Variants in PIH1D2 observed in about 807,000 individuals in gnomAD.
PIH1D2 encodes the protein PIH1 domain containing 2, also known as PIH1 domain-containing protein 2.
In PIH1D2, 25 loss-of-function variants were observed where a neutral mutation model predicts 31.2. That is an observed-to-expected ratio of 0.80 (90% CI 0.58 to 1.12). PIH1D2 has a LOEUF of 1.12. Ranked by LOEUF, PIH1D2 falls within the 50% of genes most tolerant of loss-of-function variation. The pLI is 0.00. For synonymous variants in PIH1D2, 116 were observed against 119.9 expected (o/e 0.97, Z 0.21); for missense variants, 310 against 356.6 (o/e 0.87, Z 1.05).
downstream of PIH1D2, chr11:112,064,380 T>C: frequency 1.7e-6 from 1 of 598,746 alleles, no homozygotes; most frequent in Non-Finnish European, 2.7e-6. Context: ...AATTAAAGTA[T>C]AAATCTTCAA....
At chr11:112,071,520 T>G (rs1865109402) in intron 3 of PIH1D2, 115 bp downstream of exon 3, 1 of 1,364,244 alleles carries the variant, frequency 7.3e-7, no homozygotes, top group Non-Finnish European at 1.0e-6. Flanking sequence ...GATACACTAA[T>G]TGTAATTATA....
rs141297679 is a variant in PIH1D2, at chr11:112,072,505, C to T, written c.177+493G>A. ...CTGTGATTGTGAGCTGTGATTGTGC[C>T]ACTGCACTCCAGCTTGAGCGACAGA... On this transcript the variant is annotated intron_variant, in intron 2 of 5. Coordinates refer to ENST00000280350, the MANE Select transcript of PIH1D2 (RefSeq NM_138789.4). Among the ~76,000 whole-genome samples the T allele has an allele frequency of 8.2e-5, 10 of 122,300 alleles. No individual in the cohort carries two copies. In the East Asian group the frequency reaches 2.7e-3, roughly 33 times the overall value. 80.2% of individuals were successfully genotyped at this position (122,300 alleles called of 152,430 possible).
chr11:112,054,883 A>G, the PIH1D2 span, among the ~76,000 whole-genome samples: 1 of 152,144 alleles, frequency 6.6e-6, no homozygotes, highest in South Asian at 2.1e-4. Flanking sequence ...GCATAACTCC[A>G]GTCTCTTCTT....
At chr11:112,063,701 G>A (rs1389619247), downstream of PIH1D2, 1 of 152,290 alleles carries the variant, frequency 6.6e-6, no homozygotes, top group Non-Finnish European at 1.5e-5. Flanking sequence ...AATTAACTAG[G>A]TTGCTACTTT....
chr11:112,060,113 C>A, downstream of PIH1D2: 7 of 1,466,522 alleles, frequency 4.8e-6, no homozygotes, highest in Non-Finnish European at 6.6e-6. Context: ...TTAAGGTTTG[C>A]ATAATGCATT....
intron 5 of PIH1D2, 72 bp downstream of exon 5, chr11:112,070,364 T>C (rs971779359): frequency 5.7e-5 from 86 of 1,520,690 alleles, no homozygotes; most frequent in Non-Finnish European, 7.6e-5. Context: ...TTATGTAGTT[T>C]GTTACTGTGG....
chr11:112,055,042 G>T, the PIH1D2 span, among the ~76,000 whole-genome samples: 1 of 151,946 alleles, frequency 6.6e-6, no homozygotes, highest in Non-Finnish European at 1.5e-5. Context: ...TCCAAATAAG[G>T]TCACATTGAT....
chr11:112,073,638 T>C (rs1555185141), intron 1 of PIH1D2, among the ~76,000 whole-genome samples: 1 of 152,148 alleles, frequency 6.6e-6, no homozygotes, highest in Non-Finnish European at 1.5e-5. Context: ...CCGGTCTTAG[T>C]TCTATCTCTC....
downstream of PIH1D2, chr11:112,064,202 G>A (rs782704904): frequency 3.8e-6 from 6 of 1,570,060 alleles, no homozygotes; most frequent in East Asian, 1.1e-4. Context: ...TTTCGCTAAT[G>A]CTTGTGGTTC....
chr11:112,053,199 G>A, the PIH1D2 span, among the ~76,000 whole-genome samples: 4 of 152,184 alleles, frequency 2.6e-5, no homozygotes, highest in South Asian at 8.3e-4. Flanking sequence ...GTGCATGCCT[G>A]TAATCTCAGC....
At position 112,070,488 on chromosome 11, in the gene PIH1D2, A is replaced by G. The variant is rs1555184388; in HGVS notation, c.761T>C (p.Val254Ala). The G allele has an allele frequency of 3.1e-6, 5 of 1,614,108 alleles. 1 individual carries two copies. The Admixed American group carries it at 8.3e-5, about 27-fold the overall frequency. Residue 254 changes from valine to alanine, a missense_variant, in exon 5 of 6, where the codon GTT becomes GCT. Coordinates refer to ENST00000280350, the MANE Select transcript of PIH1D2 (RefSeq NM_138789.4). ...GACAGAATTAATACCAGGTAATTCA[A>G]CTTTCAACTCAATTTTCAGAGGTTT... ...SEKPLKIELK[V>A]ELPGINSVSL...
Position 112,067,827 on chromosome 11 carries a change from CAT to C in PIH1D2, c.*42_*43del, listed in dbSNP as rs782375679. 36 of 1,602,826 alleles carry C rather than the reference CAT, an allele frequency of 2.2e-5. No individual in the cohort carries two copies. In the African/African-American group the frequency reaches 3.7e-4, roughly 16 times the overall value. On this transcript the variant is annotated 3_prime_UTR_variant, in exon 6 of 6. Transcript: ENST00000280350. ...GCCAAAATGAAGGTCCTTTAATTCACATGACTTTAGCACTGAAAACCCAAAAC... is the reference window on the plus strand; with the variant it reads ...GCCAAAATGAAGGTCCTTTAATTCACGACTTTAGCACTGAAAACCCAAAAC...
At chr11:112,060,127 T>TG, downstream of PIH1D2, 1 of 1,456,762 alleles carries the variant, frequency 6.9e-7, no homozygotes, top group Non-Finnish European at 9.5e-7. Flanking sequence ...ATGCATTTAT[T>TG]GCATTTTTCA....
At chr11:112,052,564 G>A in the PIH1D2 span, among the ~76,000 whole-genome samples, 3 of 152,154 alleles carry the variant, frequency 2.0e-5, no homozygotes, top group Non-Finnish European at 4.4e-5. Context: ...TGGCTAGGGC[G>A]AGGTTTGAGG....
chr11:112,062,828 T>C, downstream of PIH1D2: 1 of 370,986 alleles, frequency 2.7e-6, no homozygotes. Context: ...CTCTAGGAAA[T>C]GTACGATAGG....
chr11:112,064,217 G>T (rs1409896323), downstream of PIH1D2: 3 of 1,560,138 alleles, frequency 1.9e-6, no homozygotes, highest in Non-Finnish European at 2.6e-6. Context: ...TGGTTCTGTT[G>T]TTCCCTTGAA....
rs782160855 is a variant in PIH1D2, at chr11:112,073,089, C to G, written c.86G>C (p.Gly29Ala). 6.2e-6 allele frequency: 10 copies of G among 1,614,058 alleles called. No homozygotes were observed. The highest frequency in any genetic ancestry group is 8.5e-6 in the Non-Finnish European group (10 of 1,179,972). ...LDDLAQSDPE[G>A]YEKFIQQQLK... Reference sequence around the variant, plus strand: ...CTGCTGCTGAATAAACTTCTCATAGCCCTCAGGGTCACTCTGAGCTAGATC... The same window carrying G: ...CTGCTGCTGAATAAACTTCTCATAGGCCTCAGGGTCACTCTGAGCTAGATC... The change falls in exon 2 of 6, where the codon GGC becomes GCC. Residue 29 changes from glycine (G) to alanine (A), a missense_variant. Transcript: ENST00000280350.
chr11:112,054,276 C>T, the PIH1D2 span, among the ~76,000 whole-genome samples: 25 of 152,074 alleles, frequency 1.6e-4, no homozygotes, highest in African/African-American at 4.8e-4. Flanking sequence ...GGATTGCACG[C>T]GCCACTGCAC....
At chr11:112,062,532 GTAAC>G (rs782562376), downstream of PIH1D2, 4 of 1,612,252 alleles carry the variant, frequency 2.5e-6, no homozygotes, top group African/African-American at 5.3e-5. Flanking sequence ...CTATGTTGTT[GTAAC>G]TAACTCAAGA....
Sources: gnomAD v4.1 joint callset for allele counts (sites outside exome capture counted in the v4.1 genomes callset) on GRCh38, gnomAD v4.1.1 for gene constraint, MANE v1.5 for transcripts, NCBI Gene and HGNC (gene_info 2026-07-23, HGNC 2026-07-21) for gene names.